Variants in COL20A1 observed in about 807,000 individuals in gnomAD.
COL20A1 encodes the protein collagen alpha-1(XX) chain.
In COL20A1, 164 loss-of-function variants were observed where a neutral mutation model predicts 152.9. The ratio of observed to expected loss-of-function variants is 1.07; its 90% CI spans 0.94 to 1.22. COL20A1 has a LOEUF of 1.22. Among genes scored for constraint, COL20A1 ranks in the 50% most tolerant of loss-of-function variants. The pLI is 0.00. For missense variants in COL20A1, 1,873 were observed against 1,744.8 expected (o/e 1.07, Z -1.31); for synonymous variants, 864 against 756.0 (o/e 1.14, Z -2.34).
At chr20:63,307,854 A>T in intron 6 of COL20A1, 117 bp from the exon 7 acceptor site, 1 of 1,319,952 alleles carries the variant, frequency 7.6e-7, no homozygotes, top group Non-Finnish European at 1.0e-6. Flanking sequence ...GGGACTGGCT[A>T]CTGTGGCCAG....
intron 6 of COL20A1, 112 bp from the exon 7 acceptor site, chr20:63,307,859 G>A: frequency 7.4e-7 from 1 of 1,354,670 alleles, no homozygotes; most frequent in Non-Finnish European, 1.0e-6. Flanking sequence ...TGGCTACTGT[G>A]GCCAGGTGAC....
At chr20:63,323,665 C>T (rs62206860) in intron 27 of COL20A1, among the ~76,000 whole-genome samples, 1 of 152,166 alleles carries the variant, frequency 6.6e-6, no homozygotes, top group Non-Finnish European at 1.5e-5. Context: ...CCTAAGGCCC[C>T]TGTGTATTTT....
intron 35 of COL20A1, among the ~76,000 whole-genome samples, chr20:63,330,512 A>G (rs1013860116): frequency 1.3e-5 from 2 of 152,314 alleles, no homozygotes; most frequent in African/African-American, 4.8e-5. Flanking sequence ...CAGACCCGTC[A>G]GAGAATGACC....
In COL20A1 at chr20:63,311,657, T is replaced by C; in HGVS notation, c.1572T>C (p.Asp524=). The C allele has an allele frequency of 6.2e-7, 1 of 1,607,358 alleles. No homozygotes were observed. The highest frequency in any genetic ancestry group is 8.5e-7 in the Non-Finnish European group (1 of 1,179,060). Residue 524 remains aspartate, a synonymous_variant, in exon 13 of 36, where the codon GAT becomes GAC. Coordinates refer to ENST00000358894, the MANE Select transcript of COL20A1 (RefSeq NM_020882.4). This position sits in a 1 kb window ranked among gnomAD's most constrained non-coding sequence, Gnocchi z 4.4. The part of the protein sequence containing the change: ...VQVGRPEVLL[D]GLEPGRDYEV... ...TCGGGCGGCCCGAGGTGCTGCTGGA[T>C]GGCCTGGAACCTGGCAGGGACTATG...
rs2067916725 is a variant in COL20A1, at chr20:63,305,779, C to T, written c.338-102C>T. ...TGCATGCCTCCCAGGCTCCTGGGCCCTCAGCACCCACAGATGCGCCCTTGA... is the reference window on the plus strand; with the variant it reads ...TGCATGCCTCCCAGGCTCCTGGGCCTTCAGCACCCACAGATGCGCCCTTGA... On this transcript the variant is annotated intron_variant, in intron 4 of 35. Transcript: ENST00000358894. The surrounding 1 kb of genome is among the most constrained non-coding windows in gnomAD (Gnocchi z 4.9). 7.7e-7 allele frequency: 1 copy of T among 1,306,360 alleles called. No individual in the cohort carries two copies. Among genetic ancestry groups the T allele is most frequent in the Middle Eastern group, 2.3e-4 (1 of 4,334 alleles). 80.9% of individuals were successfully genotyped at this position (1,306,360 alleles called of 1,614,324 possible).
At position 63,319,837 on chromosome 20, in the gene COL20A1, A is replaced by G. The variant is rs750928813; in HGVS notation, c.2917-202A>G. 6.6e-6 allele frequency among the ~76,000 whole-genome samples: 1 copy of G among 151,984 alleles called. No homozygotes were observed. The highest frequency in any genetic ancestry group is 1.5e-5 in the Non-Finnish European group (1 of 67,954). On this transcript the variant is annotated intron_variant, in intron 23 of 35. Transcript: ENST00000358894. This position sits in a 1 kb window ranked among gnomAD's most constrained non-coding sequence, Gnocchi z 4.4. The stretch of plus-strand genomic sequence containing the variant: ...CCGGGAGGCTCCTGCAGCAGGTGCC[A>G]TTTGGTCCATTTTACAGAGGGGAAG...
At chr20:63,325,126 C>T (rs2068223973) in intron 27 of COL20A1, 1 of 498,438 alleles carries the variant, frequency 2.0e-6, no homozygotes, top group African/African-American at 1.9e-5. Flanking sequence ...GGGGCTGCCC[C>T]TGCTCCTTTA....
In COL20A1 at chr20:63,320,374, C is replaced by T; in HGVS notation, c.3153+6C>T. 6.2e-7 allele frequency: 1 copy of T among 1,610,438 alleles called. No homozygotes were observed. Among genetic ancestry groups the T allele is most frequent in the Non-Finnish European group, 8.5e-7 (1 of 1,179,548 alleles). ...GCTGTGAGCTCCCTGCCTCGGTGTGCCCCGTCCCTTGCCCCTGTTCCACGA... is the reference window on the plus strand; with the variant it reads ...GCTGTGAGCTCCCTGCCTCGGTGTGTCCCGTCCCTTGCCCCTGTTCCACGA... On this transcript the variant is annotated splice_donor_region_variant and intron_variant, in intron 25 of 35. Coordinates refer to ENST00000358894, the MANE Select transcript of COL20A1 (RefSeq NM_020882.4).
At position 63,309,373 on chromosome 20, in the gene COL20A1, G is replaced by A. The variant is rs749960914; in HGVS notation, c.981G>A (p.Ala327=). The A allele has an allele frequency of 5.8e-5, 89 of 1,532,010 alleles. No individual in the cohort carries two copies. The highest frequency in any genetic ancestry group is 4.0e-4 in the East Asian group (16 of 40,258). 94.9% of individuals were successfully genotyped at this position (1,532,010 alleles called of 1,614,324 possible). Residue 327 remains alanine, a synonymous_variant, in exon 9 of 36, where the codon GCG becomes GCA. Coordinates refer to ENST00000358894, the MANE Select transcript of COL20A1 (RefSeq NM_020882.4). ...ATGAGGCTGAGCTGAGGCTCCTGGC[G>A]TCCCCGCCGAGGGACATCACCGTCC... The part of the protein sequence containing the change: ...NADEAELRLL[A]SPPRDITVHS...
In COL20A1 at chr20:63,298,117, C is replaced by T; in HGVS notation, c.193+97C>T. The T allele has an allele frequency of 1.6e-5, 12 of 741,456 alleles. No individual in the cohort carries two copies. The South Asian group carries it at 1.9e-4, about 11-fold the overall frequency. 45.9% of individuals were successfully genotyped at this position (741,456 alleles called of 1,614,324 possible). A position where few individuals can be genotyped will look rare whatever the true frequency, so the allele number is the denominator to read the frequency against. ...GCCACCACTCAGGCCCACAGCATCC[C>T]TCCCACCAGCCCCTTAGTGTCAGCA... On this transcript the variant is annotated intron_variant, in intron 3 of 35. Coordinates refer to ENST00000358894, the MANE Select transcript of COL20A1 (RefSeq NM_020882.4).
Position 63,310,523 on chromosome 20 carries a change from G to T in COL20A1, c.1393+13G>T. 1 of 1,576,986 alleles carries T rather than the reference G, an allele frequency of 6.3e-7. No individual in the cohort carries two copies. Among genetic ancestry groups the T allele is most frequent in the East Asian group, 2.3e-5 (1 of 43,114 alleles). ...CTGGTGACCACAGGTAGGTGGGGCA[G>T]AGGCAGCGGCCAGGTTCTGGGTGGG... On this transcript the variant is annotated intron_variant, in intron 11 of 35. Coordinates refer to ENST00000358894, the MANE Select transcript of COL20A1 (RefSeq NM_020882.4).
Position 63,305,351 on chromosome 20 carries a change from C to T in COL20A1, c.194-66C>T. 3.0e-6 allele frequency: 4 copies of T among 1,322,982 alleles called. No individual in the cohort carries two copies. Among genetic ancestry groups the T allele is most frequent in the Non-Finnish European group, 2.9e-6 (3 of 1,021,436 alleles). The allele number at this position is 1,322,982 out of a possible 1,614,324, so 82.0% of individuals were successfully genotyped here. On this transcript the variant is annotated intron_variant, in intron 3 of 35. Coordinates refer to ENST00000358894, the MANE Select transcript of COL20A1 (RefSeq NM_020882.4). This position sits in a 1 kb window ranked among gnomAD's most constrained non-coding sequence, Gnocchi z 4.9. ...GAGGAGGAGCCAAGAGGGTTTCACT[C>T]CCCGCCGTGACAGATGCACACACGT...
In COL20A1 at chr20:63,319,586, G is replaced by A. The variant is rs757526959; in HGVS notation, c.2906G>A (p.Ser969Asn). The A allele has an allele frequency of 1.1e-5, 18 of 1,576,986 alleles. No homozygotes were observed. Among genetic ancestry groups the A allele is most frequent in the Admixed American group, 3.6e-5 (2 of 55,256 alleles). The change falls in exon 23 of 36, where the codon AGC becomes AAC. Residue 969 changes from serine (S) to asparagine (N), a missense_variant. Ser to Asn is a conservative substitution (Grantham distance 46). Coordinates refer to ENST00000358894, the MANE Select transcript of COL20A1 (RefSeq NM_020882.4). The surrounding 1 kb of genome is among the most constrained non-coding windows in gnomAD (Gnocchi z 4.4). ...PQEVRKIFFG[S>N]FHKVHVAVGR... ...GAAGTGAGGAAGATTTTCTTCGGGA[G>A]CTTCCACAAGGTCCTGGTGCAGCTC...
Position 63,319,373 on chromosome 20 carries a change from T to C in COL20A1, c.2807-114T>C. ...GCTGTGGGCCACATTGAGGGTCACC[T>C]CCAGCTTGGCACCCTCAGGGCTGCT... is the stretch of plus-strand genomic sequence containing the variant. On this transcript the variant is annotated intron_variant, in intron 22 of 35. Transcript: ENST00000358894. This position sits in a 1 kb window ranked among gnomAD's most constrained non-coding sequence, Gnocchi z 4.4. 1 of 1,074,756 alleles carries C rather than the reference T, an allele frequency of 9.3e-7. No individual in the cohort carries two copies. Among genetic ancestry groups the C allele is most frequent in the Non-Finnish European group, 1.3e-6 (1 of 746,140 alleles). 66.6% of individuals were successfully genotyped at this position (1,074,756 alleles called of 1,614,324 possible). A position where few individuals can be genotyped will look rare whatever the true frequency, so the allele number is the denominator to read the frequency against.
rs1283482489 is a variant in COL20A1, at chr20:63,329,590, C to T, written c.3787C>T (p.Pro1263Ser). ...TGCCCTCCCTTTCCTCGCAGGGGAGCCTGGAGCTGTTGGTCAGATGGGCAG... is the reference window on the plus strand; with the variant it reads ...TGCCCTCCCTTTCCTCGCAGGGGAGTCTGGAGCTGTTGGTCAGATGGGCAG... ...GGRHLEGRGE[P>S]GAVGQMGSPG... is the part of the protein sequence containing the mutation. The change falls in exon 35 of 36, where the codon CCT (proline) becomes TCT (serine). Residue 1263 changes from proline (P) to serine (S), a missense_variant. Transcript: ENST00000358894. 3.1e-6 allele frequency: 5 copies of T among 1,609,254 alleles called. No homozygotes were observed. The East Asian group carries it at 6.7e-5, about 22-fold the overall frequency.
rs2068071285 is a variant in COL20A1 at position 63,315,417 on chromosome 20, C to G, written c.2502C>G (p.Leu834=). The G allele has an allele frequency of 6.3e-7, 1 of 1,578,722 alleles. No individual in the cohort carries two copies. The highest frequency in any genetic ancestry group is 8.6e-7 in the Non-Finnish European group (1 of 1,167,118). ...SATGQTACPA[L]RPDGSLPGFD... is the part of the protein sequence containing the mutation. The stretch of plus-strand genomic sequence containing the variant: ...TCCTCTCAGCAGCCTGCCCAGCCCT[C>G]CGCCCTGACGGCTCCCTCCCAGGTG... The change falls in exon 20 of 36, where the codon CTC becomes CTG. Residue 834 remains leucine, a synonymous_variant. Coordinates refer to ENST00000358894, the MANE Select transcript of COL20A1 (RefSeq NM_020882.4).
In COL20A1 at chr20:63,312,907, G is replaced by A. The variant is rs760121359; in HGVS notation, c.2049G>A (p.Thr683=). The change falls in exon 16 of 36, where the codon ACG becomes ACA. Residue 683 remains threonine (T), a synonymous_variant. Coordinates refer to ENST00000358894, the MANE Select transcript of COL20A1 (RefSeq NM_020882.4). Reference sequence around the variant, plus strand: ...TGCTTGTCTACCAGATCACGTGGACGCCCCTGGGAGAGGGGAAGGCTCACG... The same window carrying A: ...TGCTTGTCTACCAGATCACGTGGACACCCCTGGGAGAGGGGAAGGCTCACG... The part of the protein sequence containing the change: ...SGVLVYQITW[T]PLGEGKAHEI... 2.3e-5 allele frequency: 35 copies of A among 1,555,232 alleles called. No homozygotes were observed. Among genetic ancestry groups the A allele is most frequent in the Middle Eastern group, 1.7e-4 (1 of 5,934 alleles).
intron 32 of COL20A1, 42 bp from the exon 33 acceptor site, chr20:63,328,037 C>G (rs899442311): frequency 2.5e-6 from 4 of 1,613,066 alleles, no homozygotes; most frequent in Non-Finnish European, 8.5e-7. Context: ...TGGGAAGGCA[C>G]CTGCCACACG....
chr20:63,317,065 A>G (rs2068094168), intron 21 of COL20A1, among the ~76,000 whole-genome samples: 1 of 152,234 alleles, frequency 6.6e-6, no homozygotes, highest in Admixed American at 6.5e-5. Flanking sequence ...ATAGCTTTGC[A>G]TGAGATTTGG....
Sources: gnomAD v4.1 joint callset for allele counts (sites outside exome capture counted in the v4.1 genomes callset) on GRCh38, gnomAD v4.1.1 for gene constraint, Gnocchi (gnomAD v3.1) non-coding constraint, MANE v1.5 for transcripts, NCBI Gene and HGNC (gene_info 2026-07-23, HGNC 2026-07-21) for gene names.